MYOF: variants seen among roughly 807,000 people sequenced by gnomAD.
The protein encoded by MYOF is myoferlin, also known as fer-1-like 3, myoferlin.
Under a neutral mutation model 284.2 loss-of-function variants are expected in MYOF, and 244 were observed. The ratio of observed to expected loss-of-function variants is 0.86; its 90% confidence interval spans 0.77 to 0.95. The LOEUF (loss-of-function observed/expected upper bound fraction) is 0.95. Among genes scored for constraint, MYOF ranks in the 40% least tolerant of loss-of-function variants. MYOF has a pLI of 0.00. For synonymous variants in MYOF, 904 were observed against 919.7 expected (o/e 0.98, Z 0.31); for missense variants, 2,496 against 2,560.6 (o/e 0.97, Z 0.54).
intron 19 of MYOF, among the ~76,000 whole-genome samples, chr10:93,383,403 G>C (rs987841685): frequency 6.6e-6 from 1 of 152,108 alleles, no homozygotes; most frequent in Non-Finnish European, 1.5e-5. Context: ...TCTAAACACT[G>C]GTTTGTAACC....
At chr10:93,319,813 C>T (rs1842775996) in intron 49 of MYOF, 59 bp downstream of exon 49, 9 of 1,606,286 alleles carry the variant, frequency 5.6e-6, no homozygotes, top group Non-Finnish European at 7.7e-6. Context: ...ATTCTATGAG[C>T]TTCTGAGTTA....
At chr10:93,345,592 G>A (rs1259713623) in intron 37 of MYOF, among the ~76,000 whole-genome samples, 6 of 152,172 alleles carry the variant, frequency 3.9e-5, no homozygotes, top group Non-Finnish European at 4.4e-5. Context: ...ATCCTGACAA[G>A]TCCAACAGTA....
intron 48 of MYOF, among the ~76,000 whole-genome samples, 156 bp from the exon 49 acceptor site, chr10:93,320,169 GGGGAGGTGCTCTATTGCATCC>G (rs1235209165): frequency 6.6e-6 from 1 of 152,196 alleles, no homozygotes; most frequent in African/African-American, 2.4e-5. Flanking sequence ...GATTTATGGA[GGGGAGGTGCTCTATTGCATCC>G]AACACAGGTT....
chr10:93,404,712 C>T (rs971738956), intron 7 of MYOF, among the ~76,000 whole-genome samples: 2 of 151,004 alleles, frequency 1.3e-5, no homozygotes, highest in South Asian at 2.1e-4. Flanking sequence ...TCAAAATGAG[C>T]GCTTAGAGCT....
chr10:93,328,704 G>A, intron 45 of MYOF, 59 bp downstream of exon 45: 4 of 1,524,052 alleles, frequency 2.6e-6, no homozygotes, highest in Non-Finnish European at 3.6e-6. Context: ...CCCAAACCCA[G>A]CAATATATAT....
intron 5 of MYOF, among the ~76,000 whole-genome samples, chr10:93,413,424 G>A (rs1225065740): frequency 1.3e-5 from 2 of 152,234 alleles, no homozygotes; most frequent in African/African-American, 4.8e-5. Context: ...CACAAAGAAT[G>A]AGGGGGCCCC....
intron 7 of MYOF, among the ~76,000 whole-genome samples, chr10:93,405,082 T>G (rs981455202): frequency 1.3e-5 from 2 of 152,040 alleles, no homozygotes; most frequent in Non-Finnish European, 2.9e-5. Flanking sequence ...CTTTCACCTA[T>G]GTTCACCAAT....
chr10:93,355,919 C>T (rs1844781972), intron 30 of MYOF, among the ~76,000 whole-genome samples, 183 bp from the exon 31 acceptor site: 1 of 152,166 alleles, frequency 6.6e-6, no homozygotes, highest in African/African-American at 2.4e-5. Flanking sequence ...CCTGAAGTCG[C>T]TTAGCTGGAA....
chr10:93,367,944 C>G (rs1347173702), intron 25 of MYOF, among the ~76,000 whole-genome samples: 2 of 152,016 alleles, frequency 1.3e-5, no homozygotes, highest in Non-Finnish European at 2.9e-5. Context: ...CACAGAACAA[C>G]AGAAATGAGT....
chr10:93,478,834 A>AGTAAG (rs56922921), intron 1 of MYOF, among the ~76,000 whole-genome samples: 1 of 98,058 alleles, frequency 1.0e-5, no homozygotes, highest in Non-Finnish European at 2.2e-5. Flanking sequence ...TCAAAAAAAA[A>AGTAAG]AAAAAAAAAG....
chr10:93,429,376 C>A (rs1198227194), intron 4 of MYOF, among the ~76,000 whole-genome samples: 1 of 152,096 alleles, frequency 6.6e-6, no homozygotes, highest in Non-Finnish European at 1.5e-5. Context: ...ATAAATTACC[C>A]AGCCTCAGGT....
At chr10:93,344,608 G>A (rs1830758) in intron 37 of MYOF, among the ~76,000 whole-genome samples, 36,992 of 151,450 alleles carry the variant, frequency 0.24, 6,191 homozygotes, top group East Asian at 0.89. Context: ...TGAGAGGCCA[G>A]GGGAAGGAGA....
chr10:93,456,956 A>G lies in MYOF; in HGVS notation c.89-19T>C. On this transcript the variant is annotated intron_variant, in intron 1 of 53. Transcript: ENST00000359263. ...TTCTCATCTGCAAAAGAGATAAAGG[A>G]AGAGACAGCAATCATTTATAAAAAA... 1 of 1,570,218 alleles carries G rather than the reference A, an allele frequency of 6.4e-7. No individual in the cohort carries two copies. The highest frequency in any genetic ancestry group is 8.7e-7 in the Non-Finnish European group (1 of 1,153,358).
intron 38 of MYOF, chr10:93,341,851 A>C: frequency 8.9e-7 from 1 of 1,119,264 alleles, no homozygotes; most frequent in Non-Finnish European, 1.2e-6. Context: ...AGAATAATTC[A>C]AGTCTTTAGG....
chr10:93,314,584 G>C (rs1022686702), intron 50 of MYOF, among the ~76,000 whole-genome samples: 1 of 152,208 alleles, frequency 6.6e-6, no homozygotes, highest in East Asian at 1.9e-4. Flanking sequence ...TCTTTAAACT[G>C]TCAGGCTCAG....
At chr10:93,410,244 C>G (rs1249140372) in intron 5 of MYOF, among the ~76,000 whole-genome samples, 1 of 152,088 alleles carries the variant, frequency 6.6e-6, no homozygotes, top group Non-Finnish European at 1.5e-5. Flanking sequence ...AAGAGAAACT[C>G]TCCTCATTTT....
intron 2 of MYOF, 102 bp from the exon 3 acceptor site, chr10:93,452,243 T>C: frequency 1.3e-6 from 1 of 769,378 alleles, no homozygotes; most frequent in Non-Finnish European, 2.2e-6. Flanking sequence ...GTCATTATTT[T>C]CACCAATGAC....
chr10:93,355,054 AT>A (rs1186819630), intron 31 of MYOF, among the ~76,000 whole-genome samples: 1 of 152,182 alleles, frequency 6.6e-6, no homozygotes, highest in East Asian at 1.9e-4. Context: ...TATAGTTAAA[AT>A]TTTAATTTTG....
intron 5 of MYOF, among the ~76,000 whole-genome samples, chr10:93,410,345 AC>A (rs1847850471): frequency 6.6e-6 from 1 of 151,776 alleles, no homozygotes; most frequent in Admixed American, 6.6e-5. Flanking sequence ...TTATCCCTCT[AC>A]CTTCCCTCTG....
Sources: gnomAD v4.1 joint callset for allele counts (sites outside exome capture counted in the v4.1 genomes callset) on GRCh38, gnomAD v4.1.1 for gene constraint, MANE v1.5 for transcripts, NCBI Gene and HGNC (gene_info 2026-07-23, HGNC 2026-07-21) for gene names.